CFB: variants seen among roughly 807,000 people sequenced by gnomAD.
CFB encodes complement factor B, also known as B-factor, properdin.
Under a neutral mutation model 97.2 loss-of-function variants are expected in CFB, and 59 were observed. The observed-to-expected ratio is 0.61, with a 90% CI of 0.49 to 0.75. CFB has a LOEUF of 0.75. CFB is among the 30% of genes least tolerant of loss of function. The probability of loss-of-function intolerance (pLI) is 0.00; values close to 1 mark genes in which losing one functional copy is unlikely to be tolerated. For missense variants in CFB, 771 were observed against 959.8 expected (o/e 0.80, Z 2.60); for synonymous variants, 316 against 351.7 (o/e 0.90, Z 1.14).
chr6:31,949,107 T>A (rs1442199322), intron 8 of CFB, 136 bp from the exon 9 acceptor site: 3 of 1,433,608 alleles, frequency 2.1e-6, no homozygotes, highest in Non-Finnish European at 1.9e-6. Context: ...TGACCCTTCA[T>A]AAGGAATTCT....
chr6:31,950,239 G>A (rs1383868543), intron 11 of CFB, 47 bp from the exon 12 acceptor site: 1 of 1,602,232 alleles, frequency 6.2e-7, no homozygotes, highest in African/African-American at 1.3e-5. Context: ...ATAAGAGATG[G>A]TGGTTTGTGA....
chr6:31,948,737 G>C (rs1328161263), intron 7 of CFB, 93 bp from the exon 8 acceptor site: 2 of 1,601,652 alleles, frequency 1.2e-6, no homozygotes, highest in Non-Finnish European at 1.7e-6. Flanking sequence ...TTAAAAAGTT[G>C]AAAGATGTGG....
Position 31,950,322 on chromosome 6 carries a change from G to C in CFB, c.1543G>C (p.Val515Leu). The change falls in exon 12 of 18, where the codon GTG becomes CTG. Residue 515 changes from valine (V) to leucine (L), a missense_variant. Val to Leu is a conservative substitution (Grantham distance 32, BLOSUM62 1). Coordinates refer to ENST00000425368, the MANE Select transcript of CFB (RefSeq NM_001710.6). ...SKGHESCMGA[V>L]VSEYFVLTAA... Reference sequence around the variant, plus strand: ...GGGACACGAGAGCTGTATGGGGGCTGTGGTGTCTGAGTACTTTGTGCTGAC... The same window carrying C: ...GGGACACGAGAGCTGTATGGGGGCTCTGGTGTCTGAGTACTTTGTGCTGAC... The C allele has an allele frequency of 6.2e-7, 1 of 1,613,098 alleles. No homozygotes were observed. The highest frequency in any genetic ancestry group is 8.5e-7 in the Non-Finnish European group (1 of 1,180,026).
chr6:31,949,087 A>G, intron 8 of CFB, 126 bp downstream of exon 8: 1 of 1,476,834 alleles, frequency 6.8e-7, no homozygotes, highest in Non-Finnish European at 9.4e-7. Flanking sequence ...CTGGCTGTTC[A>G]TCTCTCCTGT....
rs551489047 is a variant in CFB, at chr6:31,951,317, C to T, written c.1957-24C>T. On this transcript the variant is annotated intron_variant, in intron 15 of 17. Transcript: ENST00000425368. The surrounding 1 kb of genome is among the most constrained non-coding windows in gnomAD (Gnocchi z 4.3). Reference sequence around the variant, plus strand: ...TAAGCCACTTCTGTTCATTACTTCTCCATGCTTCCCACCTCCCCTACAGAA... The same window carrying T: ...TAAGCCACTTCTGTTCATTACTTCTTCATGCTTCCCACCTCCCCTACAGAA... The T allele has an allele frequency of 6.2e-7, 1 of 1,614,062 alleles. No individual in the cohort carries two copies. The highest frequency in any genetic ancestry group is 8.5e-7 in the Non-Finnish European group (1 of 1,180,022).
At chr6:31,948,335 AT>A in intron 6 of CFB, 38 bp from the exon 7 acceptor site, 1 of 1,613,952 alleles carries the variant, frequency 6.2e-7, no homozygotes, top group Non-Finnish European at 8.5e-7. Flanking sequence ...ACAGTATTCT[AT>A]TTTCAATGCC....
At chr6:31,950,506 T>C in intron 12 of CFB, 103 bp downstream of exon 12, 2 of 1,575,384 alleles carry the variant, frequency 1.3e-6, no homozygotes, top group Non-Finnish European at 1.7e-6. Flanking sequence ...TGCAGCCCCA[T>C]TCCTTGCACC....
intron 10 of CFB, chr6:31,949,820 T>A (rs987587149): frequency 4.4e-6 from 3 of 682,722 alleles, no homozygotes; most frequent in Non-Finnish European, 7.5e-6. Context: ...GACAGCAAGT[T>A]AGCAACAAGG....
chr6:31,950,160 TC>T lies in CFB; in HGVS notation c.1506+16del. The stretch of plus-strand genomic sequence containing the variant: ...GATCTCAGTCATTGTAAGCACAGAA[TC>T]CCAGTAGTGGGGACTTGGGGGAGGT... On this transcript the variant is annotated intron_variant, in intron 11 of 17. Transcript: ENST00000425368. 6.2e-7 allele frequency: 1 copy of T among 1,612,702 alleles called. No homozygotes were observed. The highest frequency in any genetic ancestry group is 8.5e-7 in the Non-Finnish European group (1 of 1,179,822).
At chr6:31,949,993 G>C in intron 10 of CFB, 57 bp from the exon 11 acceptor site, 1 of 1,552,488 alleles carries the variant, frequency 6.4e-7, no homozygotes, top group Non-Finnish European at 8.9e-7. Context: ...CCAAAAGGCT[G>C]CTGCCATTTG....
rs577504678 is a variant in CFB at position 31,947,499 on chromosome 6, C to T, written c.636C>T (p.Ser212=). The change falls in exon 4 of 18, where the codon AGC becomes AGT. Residue 212 remains serine, a synonymous_variant. Coordinates refer to ENST00000425368, the MANE Select transcript of CFB (RefSeq NM_001710.6). The surrounding 1 kb of genome is among the most constrained non-coding windows in gnomAD (Gnocchi z 5.3). ...CGTGTCAGGAAGGTGGCTCTTGGAG[C>T]GGGACGGAGCCTTCCTGCCAAGGTG... The part of the protein sequence containing the change: ...RRTCQEGGSW[S]GTEPSCQDSF... 20 of 1,612,966 alleles carry T rather than the reference C, an allele frequency of 1.2e-5. No homozygotes were observed. Among genetic ancestry groups the T allele is most frequent in the Middle Eastern group, 3.3e-4 (2 of 6,054 alleles).
At position 31,948,285 on chromosome 6, in the gene CFB, A is replaced by G. The variant is rs512559; in HGVS notation, c.898-89A>G. 0.043 allele frequency: 67,899 copies of G among 1,581,496 alleles called. 1,906 individuals are homozygous for G. Among genetic ancestry groups the G allele is most frequent in the African/African-American group, 0.094 (6,972 of 74,336 alleles). On this transcript the variant is annotated intron_variant, in intron 6 of 17. Transcript: ENST00000425368. ...CTCAGCCCTTGAGCCTCTTACTGAGAGCCTCCCTGTCCCAGCAAAGTCGCT... is the reference window on the plus strand; with the variant it reads ...CTCAGCCCTTGAGCCTCTTACTGAGGGCCTCCCTGTCCCAGCAAAGTCGCT...
At position 31,947,248 on chromosome 6, in the gene CFB, G is replaced by A; in HGVS notation, c.484+56G>A. ...GTCTCCCTGACGGCGCCCAGCCCGA[G>A]GAGTGGGCACTCGGCTCCGGACACT... is the stretch of plus-strand genomic sequence containing the variant. On this transcript the variant is annotated intron_variant, in intron 3 of 17. Transcript: ENST00000425368. This position sits in a 1 kb window ranked among gnomAD's most constrained non-coding sequence, Gnocchi z 5.3. The A allele has an allele frequency of 6.2e-7, 1 of 1,611,364 alleles. No individual in the cohort carries two copies. The highest frequency in any genetic ancestry group is 8.5e-7 in the Non-Finnish European group (1 of 1,179,616).
chr6:31,946,651 G>A lies in CFB; in HGVS notation c.298+45G>A. On this transcript the variant is annotated intron_variant, in intron 2 of 17. Transcript: ENST00000425368. This position sits in a 1 kb window ranked among gnomAD's most constrained non-coding sequence, Gnocchi z 6.4. ...GGGCAGTGGCCTAAGGCAGAAACAG[G>A]GCAGGCGGCAGCAAGGTCAGGACTA... is the stretch of plus-strand genomic sequence containing the variant. 2 of 1,546,424 alleles carry A rather than the reference G, an allele frequency of 1.3e-6. No individual in the cohort carries two copies. Among genetic ancestry groups the A allele is most frequent in the Non-Finnish European group, 1.8e-6 (2 of 1,135,780 alleles).
chr6:31,949,392 A>G, intron 9 of CFB, 28 bp from the exon 10 acceptor site: 1 of 1,614,112 alleles, frequency 6.2e-7, no homozygotes, highest in Non-Finnish European at 8.5e-7. Flanking sequence ...CAGGGCTTGG[A>G]CCCTCATCCT....
chr6:31,948,225 G>C (rs1216628302), intron 6 of CFB, 144 bp downstream of exon 6: 1 of 1,502,368 alleles, frequency 6.7e-7, no homozygotes, highest in African/African-American at 1.4e-5. Context: ...CCTTTTACTT[G>C]AAGCAGTTTC....
At chr6:31,949,803 G>A (rs1771641301) in intron 10 of CFB, 2 of 689,796 alleles carry the variant, frequency 2.9e-6, no homozygotes, top group South Asian at 1.8e-5. Flanking sequence ...GCCAAAGGAG[G>A]TCAAGGGACA....
At chr6:31,949,216 A>G (rs1187573868) in intron 8 of CFB, 27 bp from the exon 9 acceptor site, 2 of 1,609,812 alleles carry the variant, frequency 1.2e-6, no homozygotes, top group East Asian at 2.2e-5. Flanking sequence ...CTTATCTCCT[A>G]CCCTCATGGT....
chr6:31,947,739 C>T lies in CFB; in HGVS notation c.659-3C>T. ...CATTTGACCTCATTTCTGACTCTCCCAGACTCCTTCATGTACGACACCCCT... is the reference window on the plus strand; with the variant it reads ...CATTTGACCTCATTTCTGACTCTCCTAGACTCCTTCATGTACGACACCCCT... On this transcript the variant is annotated splice_region_variant and splice_polypyrimidine_tract_variant and intron_variant, in intron 4 of 17. Coordinates refer to ENST00000425368, the MANE Select transcript of CFB (RefSeq NM_001710.6). The surrounding 1 kb of genome is among the most constrained non-coding windows in gnomAD (Gnocchi z 5.3). The T allele has an allele frequency of 6.2e-7, 1 of 1,612,954 alleles. No homozygotes were observed. Among genetic ancestry groups the T allele is most frequent in the Non-Finnish European group, 8.5e-7 (1 of 1,179,922 alleles).
Sources: allele counts gnomAD v4.1 joint callset, GRCh38; gene constraint gnomAD v4.1.1; non-coding constraint Gnocchi (gnomAD v3.1); transcripts MANE v1.5; gene names NCBI Gene and HGNC (gene_info 2026-07-23, HGNC 2026-07-21).